PDGFD: variants seen among roughly 807,000 people sequenced by gnomAD.
The protein encoded by PDGFD is platelet-derived growth factor D.
In PDGFD, 30 loss-of-function variants were observed where a neutral mutation model predicts 44.7. The ratio of observed to expected loss-of-function variants is 0.67; its 90% CI spans 0.50 to 0.91. PDGFD has a LOEUF of 0.91. PDGFD is among the 40% of genes least tolerant of loss of function. The probability of loss-of-function intolerance (pLI) is 0.00; values close to 1 mark genes in which losing one functional copy is unlikely to be tolerated. For synonymous variants in PDGFD, 173 were observed against 168.4 expected (o/e 1.03, Z -0.21); for missense variants, 445 against 457.8 (o/e 0.97, Z 0.25).
chr11:103,942,666 T>G (rs148721089), intron 5 of PDGFD, among the ~76,000 whole-genome samples: 1 of 152,094 alleles, frequency 6.6e-6, no homozygotes, highest in African/African-American at 2.4e-5. Context: ...GAAGGTAGAA[T>G]TGAAATTTTC....
At chr11:104,117,905 A>C (rs1455395296) in intron 1 of PDGFD, among the ~76,000 whole-genome samples, 1 of 151,982 alleles carries the variant, frequency 6.6e-6, no homozygotes, top group African/African-American at 2.4e-5. Context: ...TATGGAACCA[A>C]AAAAGAGCCT....
chr11:104,023,360 T>C (rs1024046460), intron 1 of PDGFD, among the ~76,000 whole-genome samples: 7 of 152,150 alleles, frequency 4.6e-5, no homozygotes, highest in Admixed American at 2.0e-4. Context: ...CAAGCTTTAA[T>C]GGCCCTTTTG....
At chr11:104,078,383 C>T (rs1321375228) in intron 1 of PDGFD, among the ~76,000 whole-genome samples, 1 of 152,150 alleles carries the variant, frequency 6.6e-6, no homozygotes, top group Non-Finnish European at 1.5e-5. Context: ...GGAAACCAGC[C>T]ACTAGCTACC....
intron 3 of PDGFD, among the ~76,000 whole-genome samples, chr11:103,966,558 G>C (rs1449809465): frequency 6.6e-6 from 1 of 152,124 alleles, no homozygotes; most frequent in Non-Finnish European, 1.5e-5. Flanking sequence ...ATTATCCTCT[G>C]CCAACTTCTT....
At chr11:104,080,981 G>C (rs754814702) in intron 1 of PDGFD, among the ~76,000 whole-genome samples, 4 of 152,170 alleles carry the variant, frequency 2.6e-5, no homozygotes, top group Non-Finnish European at 5.9e-5. Flanking sequence ...TCCAGCTTCA[G>C]TTAAATCTGT....
chr11:104,025,615 G>T (rs1187704939), intron 1 of PDGFD, among the ~76,000 whole-genome samples: 1 of 152,154 alleles, frequency 6.6e-6, no homozygotes, highest in Non-Finnish European at 1.5e-5. Context: ...GTTTCCCCTA[G>T]GGGTATGAAA....
chr11:104,011,770 T>C (rs1413639828), intron 1 of PDGFD, among the ~76,000 whole-genome samples: 2 of 152,026 alleles, frequency 1.3e-5, no homozygotes, highest in African/African-American at 4.8e-5. Flanking sequence ...TAAAAGTGTT[T>C]GTGAAGATAA....
intron 1 of PDGFD, among the ~76,000 whole-genome samples, chr11:104,046,288 T>C (rs923700182): frequency 6.8e-6 from 1 of 147,694 alleles, no homozygotes; most frequent in African/African-American, 2.5e-5. Flanking sequence ...ATAACTTTAC[T>C]TCTGGTGCAT....
At chr11:104,038,088 A>C in intron 1 of PDGFD, 1 of 1,408,222 alleles carries the variant, frequency 7.1e-7, no homozygotes, top group South Asian at 1.4e-5. Flanking sequence ...GCTTACTGGC[A>C]ATGTAATCAT....
At chr11:104,094,044 C>T (rs1426695765) in intron 1 of PDGFD, among the ~76,000 whole-genome samples, 1 of 151,834 alleles carries the variant, frequency 6.6e-6, no homozygotes, top group Non-Finnish European at 1.5e-5. Flanking sequence ...GCTTCAGCCT[C>T]CGCCACTCCA....
chr11:103,975,134 T>A (rs1859163912), intron 3 of PDGFD, among the ~76,000 whole-genome samples: 1 of 152,196 alleles, frequency 6.6e-6, no homozygotes, highest in Non-Finnish European at 1.5e-5. Context: ...CATTCCTATT[T>A]CTCCACATCC....
chr11:103,925,129 T>C (rs1858285900), intron 6 of PDGFD, among the ~76,000 whole-genome samples: 1 of 152,248 alleles, frequency 6.6e-6, no homozygotes, highest in South Asian at 2.1e-4. Context: ...GCAAAGGACG[T>C]GAACTCATCC....
chr11:104,036,697 A>T, intron 1 of PDGFD: 3 of 739,226 alleles, frequency 4.1e-6, no homozygotes, highest in Non-Finnish European at 6.8e-6. Context: ...CTGAGAGGTG[A>T]ATGAGCCCGG....
chr11:104,008,357 C>T (rs1314585879), intron 1 of PDGFD, among the ~76,000 whole-genome samples: 3 of 152,058 alleles, frequency 2.0e-5, no homozygotes, highest in African/African-American at 7.2e-5. Context: ...AACACTTTTG[C>T]TAACTATATG....
intron 1 of PDGFD, among the ~76,000 whole-genome samples, chr11:104,113,346 G>A (rs986935542): frequency 3.3e-5 from 5 of 152,048 alleles, no homozygotes; most frequent in Non-Finnish European, 7.4e-5. Context: ...TGGGGGAGGG[G>A]AGGCAAACAA....
At chr11:104,153,370 T>A (rs1191242063) in intron 1 of PDGFD, among the ~76,000 whole-genome samples, 3 of 152,210 alleles carry the variant, frequency 2.0e-5, no homozygotes, top group Admixed American at 2.0e-4. Flanking sequence ...AGTGAGGATG[T>A]TCAGCTGTAT....
At chr11:104,035,231 C>G (rs2134392829) in intron 1 of PDGFD, among the ~76,000 whole-genome samples, 1 of 152,306 alleles carries the variant, frequency 6.6e-6, no homozygotes, top group East Asian at 1.9e-4. Context: ...AATGGCCCAT[C>G]TACCCTATAT....
At chr11:104,067,090 G>A (rs1860800989) in intron 1 of PDGFD, among the ~76,000 whole-genome samples, 1 of 152,096 alleles carries the variant, frequency 6.6e-6, no homozygotes, top group African/African-American at 2.4e-5. Flanking sequence ...AACATTTGCT[G>A]AATATATAAA....
chr11:104,071,539 T>G (rs1049541492), intron 1 of PDGFD, among the ~76,000 whole-genome samples: 2 of 151,824 alleles, frequency 1.3e-5, no homozygotes, highest in Admixed American at 6.6e-5. Context: ...TCTTCATATG[T>G]AAGTAAAAGT....
Sources: gnomAD v4.1 joint callset for allele counts (sites outside exome capture counted in the v4.1 genomes callset) on GRCh38, gnomAD v4.1.1 for gene constraint, MANE v1.5 for transcripts, NCBI Gene and HGNC (gene_info 2026-07-23, HGNC 2026-07-21) for gene names.